COL4A1: variants seen among roughly 807,000 people sequenced by gnomAD.
COL4A1 encodes collagen type IV alpha 1 chain.
In COL4A1, 40 loss-of-function variants were observed where a neutral mutation model predicts 216.6. That is an observed-to-expected ratio of 0.18 (90% CI 0.14 to 0.24). The LOEUF (loss-of-function observed/expected upper bound fraction) is 0.24, where lower values mean the gene tolerates loss of function less well. Ranked by LOEUF, COL4A1 falls within the 10% of genes least tolerant of loss-of-function variation. The pLI is 1.00. For missense variants in COL4A1, 1,628 were observed against 2,196.8 expected, an observed-to-expected ratio of 0.74 and a Z score of 5.18; for synonymous variants, 839 against 810.7, an observed-to-expected ratio of 1.03 and a Z score of -0.59.
intron 1 of COL4A1, among the ~76,000 whole-genome samples, chr13:110,261,695 T>C (rs1319203114): frequency 6.6e-6 from 1 of 152,200 alleles, no homozygotes; most frequent in African/African-American, 2.4e-5. Context: ...GCATCAGAGC[T>C]GAGGGCGCTT....
Position 110,192,290 on chromosome 13 carries a change from G to A in COL4A1, c.1466-6C>T, listed in dbSNP as rs183563055. 3,297 of 1,614,020 alleles carry A rather than the reference G, an allele frequency of 2.0e-3. 5 individuals carry two copies. The highest frequency in any genetic ancestry group is 2.4e-3 in the Non-Finnish European group (2,817 of 1,179,900). On this transcript the variant is annotated splice_polypyrimidine_tract_variant and splice_region_variant and intron_variant, in intron 23 of 51. Transcript: ENST00000375820. ...CCCTGGCTGCCCTGGGAAACCTTTC[G>A]TGAGAGAGAGGGAAAAAGACAGCAA... is the stretch of plus-strand genomic sequence containing the variant.
Position 110,306,969 on chromosome 13 carries a change from T to C in COL4A1, c.59A>G (p.Glu20Gly). The C allele has an allele frequency of 6.8e-7, 1 of 1,475,730 alleles. No individual in the cohort carries two copies. The highest frequency in any genetic ancestry group is 8.9e-7 in the Non-Finnish European group (1 of 1,118,670). 91.4% of individuals were successfully genotyped at this position (1,475,730 alleles called of 1,614,324 possible). A position where few individuals can be genotyped will look rare whatever the true frequency, so the allele number is the denominator to read the frequency against. The change falls in exon 1 of 52, where the codon GAG becomes GGG. Residue 20 changes from glutamate to glycine, a missense_variant. Glu to Gly is a moderately conservative substitution (Grantham distance 98). Coordinates refer to ENST00000375820, the MANE Select transcript of COL4A1 (RefSeq NM_001845.6). ...LLLPAALLLH[E>G]EHSRAAAKGG... ...CTTCGCAGCGGCCCGGCTGTGCTCC[T>C]CGTGGAGCAGAAGGGCGGCGGGCAG...
At chr13:110,165,498 G>A (rs542347786) in intron 45 of COL4A1, among the ~76,000 whole-genome samples, 8 of 151,890 alleles carry the variant, frequency 5.3e-5, no homozygotes, top group Non-Finnish European at 1.2e-4. Flanking sequence ...CACAAAGTGC[G>A]AGTTCCCCTC....
At chr13:110,228,470 C>T (rs1880852992) in intron 2 of COL4A1, among the ~76,000 whole-genome samples, 1 of 152,204 alleles carries the variant, frequency 6.6e-6, no homozygotes, top group African/African-American at 2.4e-5. Context: ...CTCCAAGTGG[C>T]AGGGAGAACA....
rs766521834 is a variant in COL4A1, at chr13:110,170,647, A to C, written c.3642T>G (p.Pro1214=). ...ACCCCGGCTGTCCCTGGGGCCCCGG[A>C]GGACCCATGAATCCTTGCTCTCCTT... is the stretch of plus-strand genomic sequence containing the variant. ...GSKGEQGFMG[P]PGPQGQPGLP... is the part of the protein sequence containing the mutation. The change falls in exon 42 of 52, where the codon CCT becomes CCG. Residue 1214 remains proline (P), a synonymous_variant. Coordinates refer to ENST00000375820, the MANE Select transcript of COL4A1 (RefSeq NM_001845.6). 1.2e-6 allele frequency: 2 copies of C among 1,613,808 alleles called. No homozygotes were observed. The highest frequency in any genetic ancestry group is 1.7e-6 in the Non-Finnish European group (2 of 1,179,872).
At position 110,207,664 on chromosome 13, in the gene COL4A1, G is replaced by A. The variant is rs1056621247; in HGVS notation, c.694-175C>T. ...GAAAATCAAATTTCAATAGGAAGAT[G>A]ATACAACAAGTATCTAAACCCAGGA... On this transcript the variant is annotated intron_variant, in intron 12 of 51. Transcript: ENST00000375820. The surrounding 1 kb of genome is among the most constrained non-coding windows in gnomAD (Gnocchi z 4.4). Among the ~76,000 whole-genome samples the A allele has an allele frequency of 1.1e-4, 16 of 152,270 alleles. No homozygotes were observed. Among genetic ancestry groups the A allele is most frequent in the Non-Finnish European group, 2.2e-4 (15 of 68,024 alleles).
intron 1 of COL4A1, among the ~76,000 whole-genome samples, chr13:110,271,590 C>T (rs1240902696): frequency 1.3e-5 from 2 of 152,148 alleles, no homozygotes; most frequent in Admixed American, 1.3e-4. Flanking sequence ...CAAGGTCACC[C>T]CTGCCAGCCC....
intron 24 of COL4A1, among the ~76,000 whole-genome samples, chr13:110,188,613 G>A (rs1343058168): frequency 2.0e-5 from 3 of 152,234 alleles, no homozygotes; most frequent in Non-Finnish European, 4.4e-5. Flanking sequence ...TGCATTTCCA[G>A]CTGCAAAACT....
intron 1 of COL4A1, among the ~76,000 whole-genome samples, chr13:110,275,365 A>G (rs1421732828): frequency 1.3e-5 from 2 of 152,182 alleles, no homozygotes; most frequent in African/African-American, 2.4e-5. Context: ...ACCAGTACAC[A>G]CCTATTAAAG....
intron 1 of COL4A1, among the ~76,000 whole-genome samples, chr13:110,251,576 T>C (rs961888218): frequency 6.6e-6 from 1 of 152,342 alleles, no homozygotes; most frequent in Admixed American, 6.5e-5. Context: ...AAACGTGGGC[T>C]GCAAGGGAGG....
intron 49 of COL4A1, among the ~76,000 whole-genome samples, chr13:110,158,869 A>G (rs1384684605): frequency 4.7e-5 from 7 of 150,416 alleles, no homozygotes; most frequent in Non-Finnish European, 1.0e-4. Context: ...CAGCCTCCTG[A>G]GTAGCTGGGA....
intron 2 of COL4A1, among the ~76,000 whole-genome samples, chr13:110,220,356 G>A (rs531121302): frequency 6.6e-6 from 1 of 152,212 alleles, no homozygotes; most frequent in South Asian, 2.1e-4. Flanking sequence ...CCTACGTTAG[G>A]CAAAATGGTC....
At chr13:110,293,547 C>G (rs935639810) in intron 1 of COL4A1, among the ~76,000 whole-genome samples, 1 of 152,216 alleles carries the variant, frequency 6.6e-6, no homozygotes, top group South Asian at 2.1e-4. Flanking sequence ...TGGCAATTGA[C>G]TCTGCTCAGA....
rs765987655 is a variant in COL4A1 at position 110,207,495 on chromosome 13, G to A, written c.694-6C>T. 1.6e-5 allele frequency: 26 copies of A among 1,612,558 alleles called. No homozygotes were observed. The highest frequency in any genetic ancestry group is 2.7e-5 in the African/African-American group (2 of 74,924). ...CCACTGACCCCTTGGTCACCCTGTC[G>A]ACATAAAAATGTAAAATTAATTAGG... On this transcript the variant is annotated splice_polypyrimidine_tract_variant and splice_region_variant and intron_variant, in intron 12 of 51. Coordinates refer to ENST00000375820, the MANE Select transcript of COL4A1 (RefSeq NM_001845.6). This position sits in a 1 kb window ranked among gnomAD's most constrained non-coding sequence, Gnocchi z 4.4.
At chr13:110,227,904 C>A (rs949002463) in intron 2 of COL4A1, among the ~76,000 whole-genome samples, 1 of 152,202 alleles carries the variant, frequency 6.6e-6, no homozygotes, top group Non-Finnish European at 1.5e-5. Flanking sequence ...TCCGGGGAGG[C>A]CCGCTGTGGA....
chr13:110,230,647 C>T (rs1413722650), intron 2 of COL4A1, among the ~76,000 whole-genome samples: 1 of 152,196 alleles, frequency 6.6e-6, no homozygotes, highest in Non-Finnish European at 1.5e-5. Flanking sequence ...GCCCAGGTCC[C>T]TATCAAAGGC....
chr13:110,225,728 G>A (rs905976016), intron 2 of COL4A1, among the ~76,000 whole-genome samples: 1 of 152,134 alleles, frequency 6.6e-6, no homozygotes, highest in Non-Finnish European at 1.5e-5. Context: ...CCTGCACTCC[G>A]GGTGAGCACG....
At chr13:110,204,491 T>C (rs1352639357) in intron 17 of COL4A1, among the ~76,000 whole-genome samples, 1 of 152,132 alleles carries the variant, frequency 6.6e-6, no homozygotes, top group African/African-American at 2.4e-5. Flanking sequence ...ACTGAGGCCC[T>C]CCCCGCAGCT....
intron 30 of COL4A1, 61 bp downstream of exon 30, chr13:110,179,210 G>A: frequency 1.2e-6 from 2 of 1,603,160 alleles, no homozygotes; most frequent in Non-Finnish European, 1.7e-6. Context: ...GGGGCTCTGG[G>A]AATGCAAAAA....
Sources: gnomAD v4.1 joint callset for allele counts (sites outside exome capture counted in the v4.1 genomes callset) on GRCh38, gnomAD v4.1.1 for gene constraint, Gnocchi (gnomAD v3.1) non-coding constraint, MANE v1.5 for transcripts, NCBI Gene and HGNC (gene_info 2026-07-23, HGNC 2026-07-21) for gene names.